Variants in LRMDA observed in about 807,000 individuals in gnomAD.
The protein encoded by LRMDA is leucine rich melanocyte differentiation associated, also known as leucine-rich melanocyte differentiation-associated protein.
A neutral mutation model predicts 29.8 loss-of-function variants in LRMDA; 18 were observed. The observed-to-expected ratio is 0.60, with a 90% CI of 0.42 to 0.90. The LOEUF is 0.90. Among genes scored for constraint, LRMDA ranks in the 40% least tolerant of loss-of-function variants. The pLI, the probability that LRMDA is intolerant of heterozygous loss-of-function variation, is 0.00. For missense variants in LRMDA, 273 were observed against 273.9 expected, an observed-to-expected ratio of 1.00 and a Z score of 0.02; for synonymous variants, 125 against 109.4, an observed-to-expected ratio of 1.14 and a Z score of -0.89.
chr10:75,839,038 GA>G (rs1211515471), intron 2 of LRMDA, among the ~76,000 whole-genome samples: 1 of 151,994 alleles, frequency 6.6e-6, no homozygotes, highest in Non-Finnish European at 1.5e-5. Flanking sequence ...AAGGGAAGGG[GA>G]AAAAATCCTC....
At chr10:76,482,340 C>T (rs1274316534) in intron 6 of LRMDA, among the ~76,000 whole-genome samples, 1 of 151,910 alleles carries the variant, frequency 6.6e-6, no homozygotes, top group African/African-American at 2.4e-5. Flanking sequence ...CCTTTTACCC[C>T]ACTGTCTTCA....
intron 5 of LRMDA, among the ~76,000 whole-genome samples, chr10:76,282,825 C>A (rs1192308119): frequency 6.6e-6 from 1 of 152,138 alleles, no homozygotes; most frequent in Non-Finnish European, 1.5e-5. Context: ...TTTGTGCCAG[C>A]TTCAGAGGGA....
At chr10:75,970,095 A>G (rs191165303) in intron 2 of LRMDA, among the ~76,000 whole-genome samples, 6 of 152,314 alleles carry the variant, frequency 3.9e-5, no homozygotes, top group Admixed American at 1.3e-4. Flanking sequence ...GAGGTGTCCA[A>G]TAGGTAGCTC....
At chr10:76,105,293 C>T (rs1002916129) in intron 5 of LRMDA, among the ~76,000 whole-genome samples, 17 of 151,916 alleles carry the variant, frequency 1.1e-4, no homozygotes, top group South Asian at 4.2e-4. Context: ...CGTTTTTTTC[C>T]ATGGGTATAT....
intron 2 of LRMDA, among the ~76,000 whole-genome samples, chr10:75,695,395 G>GT (rs35909970): frequency 4.9e-4 from 72 of 147,440 alleles, no homozygotes; most frequent in Admixed American, 1.4e-3. Context: ...AAAAAAACTA[G>GT]TTTTTTTTTT....
chr10:75,698,343 A>G (rs1246346317), intron 2 of LRMDA, among the ~76,000 whole-genome samples: 1 of 152,208 alleles, frequency 6.6e-6, no homozygotes, highest in Admixed American at 6.5e-5. Flanking sequence ...AAGTAAGAAC[A>G]CTGGCCCTTA....
intron 2 of LRMDA, among the ~76,000 whole-genome samples, chr10:75,953,989 T>C (rs1846622001): frequency 6.6e-6 from 1 of 152,160 alleles, no homozygotes; most frequent in South Asian, 2.1e-4. Context: ...GTCCTAGATA[T>C]TCAAAGAGAG....
intron 5 of LRMDA, among the ~76,000 whole-genome samples, chr10:76,113,804 G>T (rs1034359634): frequency 6.6e-6 from 1 of 152,242 alleles, no homozygotes; most frequent in South Asian, 2.1e-4. Flanking sequence ...CTGTCTGCTC[G>T]CCATGGCAAC....
chr10:76,364,244 G>T (rs138065413), intron 6 of LRMDA, among the ~76,000 whole-genome samples: 2 of 152,172 alleles, frequency 1.3e-5, no homozygotes, highest in African/African-American at 4.8e-5. Flanking sequence ...GAAAAATTTC[G>T]CTGAGTTGAT....
At chr10:75,879,347 C>T (rs911321413) in intron 2 of LRMDA, among the ~76,000 whole-genome samples, 2 of 152,344 alleles carry the variant, frequency 1.3e-5, no homozygotes, top group Non-Finnish European at 2.9e-5. Context: ...TAGAAACTCT[C>T]TCTTCCCACC....
chr10:76,242,988 T>C (rs763139424), intron 5 of LRMDA, among the ~76,000 whole-genome samples: 4 of 152,116 alleles, frequency 2.6e-5, no homozygotes, highest in Non-Finnish European at 5.9e-5. Context: ...CTTGAATAAG[T>C]CGTTCTCCAC....
At chr10:75,811,285 C>G (rs556682869) in intron 2 of LRMDA, among the ~76,000 whole-genome samples, 1 of 152,316 alleles carries the variant, frequency 6.6e-6, no homozygotes, top group African/African-American at 2.4e-5. Flanking sequence ...GCTCCACCCC[C>G]ACCCCTTGCT....
chr10:76,477,249 CA>C (rs1199824277), intron 6 of LRMDA, among the ~76,000 whole-genome samples: 2 of 151,928 alleles, frequency 1.3e-5, no homozygotes, highest in Non-Finnish European at 2.9e-5. Flanking sequence ...CATTCTTATA[CA>C]CCAATAACAG....
chr10:75,854,169 T>A (rs1433652571), intron 2 of LRMDA, among the ~76,000 whole-genome samples: 1 of 152,124 alleles, frequency 6.6e-6, no homozygotes, highest in Non-Finnish European at 1.5e-5. Flanking sequence ...GTGGCTCTAG[T>A]ATTTTTGGAT....
At chr10:75,719,490 G>C (rs535787410) in intron 2 of LRMDA, among the ~76,000 whole-genome samples, 1 of 152,304 alleles carries the variant, frequency 6.6e-6, no homozygotes, top group South Asian at 2.1e-4. Flanking sequence ...ATTCTGTAGT[G>C]GTGTCCCAGA....
chr10:76,070,895 G>A (rs570036191), intron 5 of LRMDA, among the ~76,000 whole-genome samples: 2 of 152,294 alleles, frequency 1.3e-5, no homozygotes, highest in East Asian at 3.9e-4. Flanking sequence ...AGTAGGGCAG[G>A]TGAAGGCATG....
At chr10:75,492,125 G>A (rs930975428) in intron 2 of LRMDA, among the ~76,000 whole-genome samples, 3 of 152,186 alleles carry the variant, frequency 2.0e-5, no homozygotes, top group South Asian at 2.1e-4. Context: ...TCTTACATCC[G>A]TCAGGAGAGC....
chr10:76,308,020 T>C (rs1228668001), intron 5 of LRMDA, among the ~76,000 whole-genome samples: 3 of 152,186 alleles, frequency 2.0e-5, no homozygotes, highest in South Asian at 2.1e-4. Flanking sequence ...GTGGTCCCCA[T>C]AGAGTCATTT....
intron 2 of LRMDA, among the ~76,000 whole-genome samples, chr10:75,900,781 C>G (rs975631658): frequency 2.6e-5 from 4 of 152,158 alleles, no homozygotes; most frequent in East Asian, 1.9e-4. Flanking sequence ...TGCCCACCCC[C>G]CCACCTTTCT....
Sources: gnomAD v4.1 joint callset for allele counts (sites outside exome capture counted in the v4.1 genomes callset) on GRCh38, gnomAD v4.1.1 for gene constraint, MANE v1.5 for transcripts, NCBI Gene and HGNC (gene_info 2026-07-23, HGNC 2026-07-21) for gene names.